Variants in XYLT1 observed in about 807,000 individuals in gnomAD.
The protein encoded by XYLT1 is beta-D-xylosyltransferase 1.
A neutral mutation model predicts 91.3 loss-of-function variants in XYLT1; 36 were observed. The ratio of observed to expected loss-of-function variants is 0.39; its 90% CI spans 0.30 to 0.52. The LOEUF (loss-of-function observed/expected upper bound fraction) is 0.52. XYLT1 is among the 20% of genes least tolerant of loss of function. The pLI is 0.68. For missense variants in XYLT1, 1,242 were observed against 1,284.5 expected (o/e 0.97, Z 0.51); for synonymous variants, 588 against 532.0 (o/e 1.11, Z -1.45).
rs77206123 is a variant in XYLT1, at chr16:17,114,642, C to G, written c.2557+3004G>C. On this transcript the variant is annotated intron_variant, in intron 11 of 11. Transcript: ENST00000261381. ...TCCTCCCCATGCTGTGTCCCCATCC[C>G]CTTGCATCATTGGCTAAAAGGCACC... is the stretch of plus-strand genomic sequence containing the variant. 5.8e-3 allele frequency among the ~76,000 whole-genome samples: 881 copies of G among 152,264 alleles called. 37 individuals carry two copies. In the East Asian group the frequency reaches 0.074, roughly 13 times the overall value.
chr16:17,382,508 T>C (rs2035694543), intron 1 of XYLT1, among the ~76,000 whole-genome samples: 1 of 151,898 alleles, frequency 6.6e-6, no homozygotes, highest in Admixed American at 6.6e-5. Context: ...CAGAGTGGAT[T>C]GCACAGTGTC....
chr16:17,134,556 T>C lies in XYLT1; in HGVS notation c.1944A>G (p.Thr648=), dbSNP rs752947763. Residue 648 remains threonine, a synonymous_variant, in exon 9 of 12, where the codon ACA becomes ACG. Transcript: ENST00000261381. The part of the protein sequence containing the change: ...PDGIHSLSDV[T]LTLYHSFARL... Reference sequence around the variant, plus strand: ...GGGCAAAGGAGTGGTACAAGGTGAGTGTCACGTCGCTCAGGCTGTGGATGC... The same window carrying C: ...GGGCAAAGGAGTGGTACAAGGTGAGCGTCACGTCGCTCAGGCTGTGGATGC... 3 of 1,614,034 alleles carry C rather than the reference T, an allele frequency of 1.9e-6. No individual in the cohort carries two copies. The highest frequency in any genetic ancestry group is 1.1e-5 in the South Asian group (1 of 91,070).
intron 6 of XYLT1, among the ~76,000 whole-genome samples, chr16:17,145,378 A>G (rs1371620758): frequency 2.6e-5 from 4 of 152,234 alleles, no homozygotes; most frequent in Non-Finnish European, 4.4e-5. Flanking sequence ...TCTGGCCTCC[A>G]TAATCAATTC....
intron 3 of XYLT1, among the ~76,000 whole-genome samples, chr16:17,234,579 A>T (rs1437264987): frequency 2.6e-5 from 4 of 151,628 alleles, no homozygotes; most frequent in Admixed American, 2.6e-4. Flanking sequence ...CAGCTCATTG[A>T]CTACTCTTTT....
At chr16:17,364,010 A>G (rs559004114) in intron 1 of XYLT1, among the ~76,000 whole-genome samples, 1 of 152,294 alleles carries the variant, frequency 6.6e-6, no homozygotes, top group South Asian at 2.1e-4. Flanking sequence ...CAAACCAGTC[A>G]GATTGGATGA....
intron 6 of XYLT1, among the ~76,000 whole-genome samples, chr16:17,142,723 G>A (rs539265103): frequency 2.2e-4 from 33 of 152,076 alleles, no homozygotes; most frequent in African/African-American, 7.5e-4. Flanking sequence ...GGTTATAGGT[G>A]TAAGCCATTG....
At chr16:17,128,080 C>T (rs1189413742) in intron 9 of XYLT1, among the ~76,000 whole-genome samples, 1 of 152,160 alleles carries the variant, frequency 6.6e-6, no homozygotes, top group Non-Finnish European at 1.5e-5. Context: ...GAAAGTACAA[C>T]AAAGAAAGTG....
At position 17,271,092 on chromosome 16, in the gene XYLT1, G is replaced by A. The variant is rs1211684749; in HGVS notation, c.403-11594C>T. On this transcript the variant is annotated intron_variant, in intron 2 of 11. Coordinates refer to ENST00000261381, the MANE Select transcript of XYLT1 (RefSeq NM_022166.4). ...AAATGACAACAACCATGTCTGTTTT[G>A]GAACAAAATGCCTCACACACAGAAG... Among the ~76,000 whole-genome samples, 4 of 152,154 alleles carry A rather than the reference G, an allele frequency of 2.6e-5. 1 individual carries two copies. Among genetic ancestry groups the A allele is most frequent in the Non-Finnish European group, 1.5e-5 (1 of 68,036 alleles).
At chr16:17,332,217 C>G (rs1430058280) in intron 2 of XYLT1, among the ~76,000 whole-genome samples, 1 of 152,166 alleles carries the variant, frequency 6.6e-6, no homozygotes, top group Non-Finnish European at 1.5e-5. Flanking sequence ...TGGGTGTTAT[C>G]CCCATAGGGT....
chr16:17,346,106 C>T (rs67921187), intron 2 of XYLT1, among the ~76,000 whole-genome samples: 16,689 of 152,170 alleles, frequency 0.11, 1,123 homozygotes, highest in African/African-American at 0.17. Context: ...CCACCGAGCC[C>T]GGCCTACTCT....
chr16:17,172,711 G>A (rs2031853717), intron 5 of XYLT1, among the ~76,000 whole-genome samples: 1 of 152,128 alleles, frequency 6.6e-6, no homozygotes, highest in Non-Finnish European at 1.5e-5. Flanking sequence ...GACCTCAGGT[G>A]ATCCGCCTGC....
intron 1 of XYLT1, among the ~76,000 whole-genome samples, chr16:17,393,904 T>C (rs1385493337): frequency 1.3e-5 from 2 of 151,882 alleles, no homozygotes; most frequent in Non-Finnish European, 2.9e-5. Context: ...GCCTCCCGAG[T>C]AGCTCGGACT....
intron 1 of XYLT1, among the ~76,000 whole-genome samples, chr16:17,399,991 G>A (rs963965417): frequency 6.6e-6 from 1 of 152,228 alleles, no homozygotes; most frequent in African/African-American, 2.4e-5. Context: ...CAATCGCTAA[G>A]GATCCAGCCA....
intron 2 of XYLT1, among the ~76,000 whole-genome samples, chr16:17,302,001 C>G (rs980947695): frequency 3.3e-5 from 5 of 152,080 alleles, no homozygotes; most frequent in Non-Finnish European, 7.4e-5. Context: ...CATTTGAGGT[C>G]AGAAGTTCAA....
intron 2 of XYLT1, chr16:17,338,519 T>C (rs1410400152): frequency 4.4e-6 from 2 of 456,054 alleles, no homozygotes; most frequent in Admixed American, 4.7e-5. Flanking sequence ...ATGAATATTG[T>C]ATTTCTTGTG....
intron 2 of XYLT1, among the ~76,000 whole-genome samples, chr16:17,347,663 T>G (rs1202377014): frequency 1.3e-5 from 2 of 152,206 alleles, no homozygotes; most frequent in East Asian, 3.9e-4. Flanking sequence ...ACCCTCTCCT[T>G]TAATCAAAAC....
chr16:17,451,310 TA>T (rs2036663144), intron 1 of XYLT1, among the ~76,000 whole-genome samples: 1 of 152,196 alleles, frequency 6.6e-6, no homozygotes. Flanking sequence ...GTCCTTGTCA[TA>T]ATGACCACAT....
chr16:17,457,070 C>T (rs1206639418), intron 1 of XYLT1, among the ~76,000 whole-genome samples: 1 of 152,110 alleles, frequency 6.6e-6, no homozygotes. Context: ...GCCACATCCC[C>T]CCTCACTCAA....
intron 5 of XYLT1, among the ~76,000 whole-genome samples, chr16:17,170,979 T>C (rs141851419): frequency 2.8e-3 from 434 of 152,282 alleles, no homozygotes; most frequent in Non-Finnish European, 4.7e-3. Flanking sequence ...ATAATAACAC[T>C]ATTTACCTTA....
Sources: allele counts gnomAD v4.1 joint callset (sites outside exome capture counted in the v4.1 genomes callset), GRCh38; gene constraint gnomAD v4.1.1; transcripts MANE v1.5; gene names NCBI Gene and HGNC (gene_info 2026-07-23, HGNC 2026-07-21).